MECOM: variants seen among roughly 807,000 people sequenced by gnomAD.
MECOM encodes MDS1 and EVI1 complex locus.
Under a neutral mutation model 116.3 loss-of-function variants are expected in MECOM, and 13 were observed. That is an observed-to-expected ratio of 0.11 (90% confidence interval 0.07 to 0.18). MECOM has a LOEUF of 0.18. Among genes scored for constraint, MECOM ranks in the 10% least tolerant of loss-of-function variants. The pLI is 1.00. For missense variants in MECOM, 1,299 were observed against 1,509.0 expected, an observed-to-expected ratio of 0.86 and a Z score of 2.31; for synonymous variants, 528 against 535.2, an observed-to-expected ratio of 0.99 and a Z score of 0.19.
In MECOM at chr3:169,171,276, C is replaced by T. The variant is rs1052968741; in HGVS notation, c.376-27444G>A. ...GAATATATGAGAATGAATTGAATTG[C>T]TTTGGTTCTCATGAATAAACCTATT... On this transcript the variant is annotated intron_variant, in intron 2 of 16. Coordinates refer to ENST00000651503, the MANE Select transcript of MECOM (RefSeq NM_004991.4). 2.0e-5 allele frequency among the ~76,000 whole-genome samples: 3 copies of T among 152,100 alleles called. No individual in the cohort carries two copies. In the South Asian group the frequency reaches 6.2e-4, roughly 32 times the overall value.
Position 169,092,975 on chromosome 3 carries a change from G to A in MECOM, c.3147C>T (p.Pro1049=), listed in dbSNP as rs1287643767. ...IGNSNHGSQS[P]RNVEERMNGS... The stretch of plus-strand genomic sequence containing the variant: ...AGCTTTACCTCTCCTCCACATTCCT[G>A]GGAGATTGGCTGCCATGGTTGCTGT... Residue 1049 remains proline (P), a synonymous_variant, in exon 14 of 17, where the codon CCC becomes CCT. Coordinates refer to ENST00000651503, the MANE Select transcript of MECOM (RefSeq NM_004991.4). 6.2e-7 allele frequency: 1 copy of A among 1,613,608 alleles called. No individual in the cohort carries two copies. The highest frequency in any genetic ancestry group is 1.3e-5 in the African/African-American group (1 of 74,872).
intron 1 of MECOM, among the ~76,000 whole-genome samples, chr3:169,422,536 C>A (rs538640644): frequency 1.7e-3 from 252 of 151,904 alleles, no homozygotes; most frequent in African/African-American, 5.9e-3. Context: ...TACCTAGAAC[C>A]CAAAAGCTTT....
intron 2 of MECOM, among the ~76,000 whole-genome samples, chr3:169,378,479 A>G (rs6773655): frequency 0.56 from 33,103 of 58,938 alleles, 10,369 homozygotes; most frequent in African/African-American, 0.64. Flanking sequence ...GCAAGCAAGA[A>G]AGAGAGAGAG....
At chr3:169,648,373 C>T (rs982156608) in intron 1 of MECOM, among the ~76,000 whole-genome samples, 1 of 152,212 alleles carries the variant, frequency 6.6e-6, no homozygotes, top group African/African-American at 2.4e-5. Context: ...TTTACCTTGA[C>T]ATTTCCCATC....
Position 169,143,791 on chromosome 3 carries a change from G to A in MECOM, c.417C>T (p.Ala139=), listed in dbSNP as rs1293896495. 5 of 1,611,362 alleles carry A rather than the reference G, an allele frequency of 3.1e-6. No homozygotes were observed. Among genetic ancestry groups the A allele is most frequent in the Admixed American group, 3.4e-5 (2 of 59,648 alleles). ...GCCAGCTTCCAACATCTGGTTGACT[G>A]GCATCTATGCAGAACTTCACATTGT... ...EFYNVKFCID[A]SQPDVGSWLK... is the part of the protein sequence containing the mutation. Residue 139 remains alanine, a synonymous_variant, in exon 3 of 17, where the codon GCC becomes GCT. Transcript: ENST00000651503.
Position 169,378,474 on chromosome 3 carries a change from CAAGA to C in MECOM, c.375+2709_375+2712del, listed in dbSNP as rs1182898720. ...GAAGGAAAGCAAGCAAGCAAGCAAGCAAGAAAGAGAGAGAGAAAGAAAGAAAGAA... is the reference window on the plus strand; with the variant it reads ...GAAGGAAAGCAAGCAAGCAAGCAAGCAAGAGAGAGAGAAAGAAAGAAAGAA... On this transcript the variant is annotated intron_variant, in intron 2 of 16. Transcript: ENST00000651503. 2.5e-4 allele frequency among the ~76,000 whole-genome samples: 7 copies of C among 27,470 alleles called. 1 individual carries two copies. The highest frequency in any genetic ancestry group is 1.1e-3 in the African/African-American group (4 of 3,672). 18.0% of individuals were successfully genotyped at this position (27,470 alleles called of 152,430 possible).
intron 2 of MECOM, among the ~76,000 whole-genome samples, chr3:169,196,925 A>C (rs1175947618): frequency 6.6e-6 from 1 of 152,086 alleles, no homozygotes; most frequent in Admixed American, 6.6e-5. Context: ...ATGCTCATCA[A>C]CAGTGGACTA....
At chr3:169,298,351 T>C (rs1378956456) in intron 2 of MECOM, among the ~76,000 whole-genome samples, 2 of 151,950 alleles carry the variant, frequency 1.3e-5, no homozygotes, top group African/African-American at 4.8e-5. Flanking sequence ...GTATTAAATG[T>C]TATATATTAA....
At chr3:169,372,792 T>A (rs930570683) in intron 2 of MECOM, among the ~76,000 whole-genome samples, 4 of 151,902 alleles carry the variant, frequency 2.6e-5, no homozygotes, top group African/African-American at 7.3e-5. Flanking sequence ...CTCTAATTGG[T>A]TAGATACAAT....
chr3:169,429,699 C>A (rs1274975778), intron 1 of MECOM, among the ~76,000 whole-genome samples: 2 of 152,136 alleles, frequency 1.3e-5, no homozygotes, highest in East Asian at 3.8e-4. Flanking sequence ...TAGTTCCAGG[C>A]CCTTCCACAC....
chr3:169,451,501 C>A (rs142761989), intron 1 of MECOM, among the ~76,000 whole-genome samples: 1 of 152,104 alleles, frequency 6.6e-6, no homozygotes, highest in Non-Finnish European at 1.5e-5. Flanking sequence ...TACATGTTTA[C>A]CTGTTTGTTT....
At chr3:169,599,643 T>G (rs1016402839) in intron 1 of MECOM, among the ~76,000 whole-genome samples, 1 of 152,220 alleles carries the variant, frequency 6.6e-6, no homozygotes, top group Non-Finnish European at 1.5e-5. Flanking sequence ...TGTTCCATTG[T>G]ACCAACAATC....
chr3:169,410,239 T>C (rs1175341927), intron 1 of MECOM, among the ~76,000 whole-genome samples: 2 of 152,260 alleles, frequency 1.3e-5, no homozygotes, highest in African/African-American at 4.8e-5. Context: ...ACTTGAATTA[T>C]ATTTGCATTC....
At chr3:169,577,244 G>GT (rs1764624476) in intron 1 of MECOM, among the ~76,000 whole-genome samples, 1 of 152,220 alleles carries the variant, frequency 6.6e-6, no homozygotes, top group African/African-American at 2.4e-5. Context: ...CCAGCACATA[G>GT]TAAGTGCTTA....
At chr3:169,535,868 G>A (rs1446296318) in intron 1 of MECOM, among the ~76,000 whole-genome samples, 3 of 152,164 alleles carry the variant, frequency 2.0e-5, no homozygotes, top group Admixed American at 6.5e-5. Context: ...ACCTCTCTGG[G>A]TCCCATGATA....
chr3:169,654,030 C>T (rs1376858972), intron 1 of MECOM, among the ~76,000 whole-genome samples: 1 of 152,186 alleles, frequency 6.6e-6, no homozygotes, highest in Non-Finnish European at 1.5e-5. Flanking sequence ...TGCTTATATG[C>T]ATGGTTCATC....
At chr3:169,486,749 T>C (rs116436774) in intron 1 of MECOM, among the ~76,000 whole-genome samples, 3,795 of 152,176 alleles carry the variant, frequency 0.025, 125 homozygotes, top group African/African-American at 0.076. Context: ...AATGTGAAAC[T>C]ACTCCAAAGC....
At chr3:169,090,671 C>T (rs1403913917) in intron 14 of MECOM, among the ~76,000 whole-genome samples, 1 of 151,820 alleles carries the variant, frequency 6.6e-6, no homozygotes, top group East Asian at 1.9e-4. Context: ...ATACACATGC[C>T]TAAAGTGACT....
intron 2 of MECOM, among the ~76,000 whole-genome samples, chr3:169,290,055 A>T (rs1182730136): frequency 3.3e-5 from 5 of 152,198 alleles, no homozygotes; most frequent in Non-Finnish European, 7.3e-5. Context: ...TGAGAAGCCG[A>T]CAACAGTAAC....
Sources: allele counts gnomAD v4.1 joint callset (sites outside exome capture counted in the v4.1 genomes callset), GRCh38; gene constraint gnomAD v4.1.1; transcripts MANE v1.5; gene names NCBI Gene and HGNC (gene_info 2026-07-23, HGNC 2026-07-21).